Variants in SESTD1 observed in about 807,000 individuals in gnomAD.
SESTD1 encodes the protein SEC14 domain and spectrin repeat-containing protein 1.
Under a neutral mutation model 101.7 loss-of-function variants are expected in SESTD1, and 43 were observed. The ratio of observed to expected loss-of-function variants is 0.42; its 90% CI spans 0.33 to 0.55. The LOEUF is 0.55. Among genes scored for constraint, SESTD1 ranks in the 20% least tolerant of loss-of-function variants. The probability of loss-of-function intolerance (pLI) is 0.07; values close to 1 mark genes in which losing one functional copy is unlikely to be tolerated. For missense variants in SESTD1, 647 were observed against 815.1 expected, an observed-to-expected ratio of 0.79 and a Z score of 2.51; for synonymous variants, 283 against 286.8, an observed-to-expected ratio of 0.99 and a Z score of 0.13.
At position 179,118,558 on chromosome 2, in the gene SESTD1, T is replaced by TA. The variant is rs528082370; in HGVS notation, c.1443-946dup. On this transcript the variant is annotated intron_variant, in intron 13 of 17. Transcript: ENST00000428443. Reference sequence around the variant, plus strand: ...AAGTAGGTATCACAAGGCTTTTTTTTAAAAAAAAATAAAGATGCTCTGAAT... The same window carrying TA: ...AAGTAGGTATCACAAGGCTTTTTTTTAAAAAAAAAATAAAGATGCTCTGAAT... 1.9e-3 allele frequency among the ~76,000 whole-genome samples: 291 copies of TA among 151,206 alleles called. 1 individual carries two copies. Among genetic ancestry groups the TA allele is most frequent in the South Asian group, 0.018 (88 of 4,788 alleles).
At chr2:179,237,251 A>G (rs2047082085) in intron 1 of SESTD1, among the ~76,000 whole-genome samples, 1 of 151,064 alleles carries the variant, frequency 6.6e-6, no homozygotes, top group Non-Finnish European at 1.5e-5. Flanking sequence ...ACCATGACAC[A>G]CAAATATCCA....
At chr2:179,262,134 A>AT (rs2047491264) in intron 1 of SESTD1, among the ~76,000 whole-genome samples, 1 of 152,210 alleles carries the variant, frequency 6.6e-6, no homozygotes, top group South Asian at 2.1e-4. Context: ...TTATGATTCT[A>AT]TTCACATGCA....
chr2:179,192,410 C>A (rs1451960171), intron 1 of SESTD1, among the ~76,000 whole-genome samples: 1 of 152,118 alleles, frequency 6.6e-6, no homozygotes, highest in Non-Finnish European at 1.5e-5. Flanking sequence ...CACATCTTAT[C>A]CTGTTTATCT....
At chr2:179,250,295 A>G (rs1159945268) in intron 1 of SESTD1, among the ~76,000 whole-genome samples, 1 of 152,242 alleles carries the variant, frequency 6.6e-6, no homozygotes, top group Admixed American at 6.5e-5. Flanking sequence ...ATCAGCCACC[A>G]GGAAAATGCA....
rs549124836 is a variant in SESTD1 at position 179,216,760 on chromosome 2, G to C, written c.-25-24894C>G. Among the ~76,000 whole-genome samples, 3 of 134,814 alleles carry C rather than the reference G, an allele frequency of 2.2e-5. 1 individual carries two copies. The highest frequency in any genetic ancestry group is 4.8e-5 in the Non-Finnish European group (3 of 62,750). The allele number at this position is 134,814 out of a possible 152,430, so 88.4% of individuals were successfully genotyped here. A position where few individuals can be genotyped will look rare whatever the true frequency, so the allele number is the denominator to read the frequency against. On this transcript the variant is annotated intron_variant, in intron 1 of 17. Transcript: ENST00000428443. The stretch of plus-strand genomic sequence containing the variant: ...CTACAAGTCTACAGTAACCAAAACA[G>C]CATGGTACTGGTACCAAAACAGACA...
At chr2:179,241,275 G>A (rs1033198124) in intron 1 of SESTD1, among the ~76,000 whole-genome samples, 2 of 152,052 alleles carry the variant, frequency 1.3e-5, no homozygotes, top group African/African-American at 4.8e-5. Context: ...GAGGAGAAAG[G>A]GAGGGGAGGA....
At chr2:179,233,907 G>C (rs2047022504) in intron 1 of SESTD1, among the ~76,000 whole-genome samples, 1 of 152,168 alleles carries the variant, frequency 6.6e-6, no homozygotes, top group African/African-American at 2.4e-5. Context: ...CTGTACACTT[G>C]GGGGGCTCTG....
At chr2:179,250,410 C>T (rs1022137652) in intron 1 of SESTD1, among the ~76,000 whole-genome samples, 2 of 152,188 alleles carry the variant, frequency 1.3e-5, no homozygotes, top group Non-Finnish European at 2.9e-5. Context: ...TTGTATTATT[C>T]TCCTAGAGCA....
intron 1 of SESTD1, among the ~76,000 whole-genome samples, chr2:179,212,799 T>A (rs1246059607): frequency 7.4e-6 from 1 of 134,556 alleles, no homozygotes; most frequent in East Asian, 2.0e-4. Flanking sequence ...GGAGGAAGGA[T>A]CAGGCAGCAA....
intron 1 of SESTD1, among the ~76,000 whole-genome samples, chr2:179,253,218 C>A (rs1041384333): frequency 1.3e-5 from 2 of 151,928 alleles, no homozygotes; most frequent in Admixed American, 1.3e-4. Flanking sequence ...TTAAAACTAT[C>A]ATTTAAAACA....
chr2:179,119,018 T>C (rs2044694030), intron 13 of SESTD1, among the ~76,000 whole-genome samples: 1 of 152,170 alleles, frequency 6.6e-6, no homozygotes, highest in African/African-American at 2.4e-5. Context: ...TTCAGGGAGA[T>C]AAAAACAACT....
chr2:179,116,742 T>A lies in SESTD1; in HGVS notation c.1573A>T (p.Ile525Phe). ...ELLDALLKTH[I>F]RLGDDAQETK... is the part of the protein sequence containing the mutation. ...TCTTGAGCATCATCGCCCAATCTGA[T>A]GTGAGTCTTAAGCAGAGCATCCAGA... is the stretch of plus-strand genomic sequence containing the variant. Residue 525 changes from isoleucine to phenylalanine, a missense_variant, in exon 15 of 18, where the codon ATC (isoleucine) becomes TTC (phenylalanine). Physicochemically the swap from Ile to Phe is conservative, Grantham distance 21. Coordinates refer to ENST00000428443, the MANE Select transcript of SESTD1 (RefSeq NM_178123.5). 1 of 1,614,166 alleles carries A rather than the reference T, an allele frequency of 6.2e-7. No homozygotes were observed. Among genetic ancestry groups the A allele is most frequent in the Non-Finnish European group, 8.5e-7 (1 of 1,180,012 alleles).
At chr2:179,222,013 G>T (rs953176633) in intron 1 of SESTD1, among the ~76,000 whole-genome samples, 1 of 152,036 alleles carries the variant, frequency 6.6e-6, no homozygotes, top group African/African-American at 2.4e-5. Context: ...TTTTCAATCT[G>T]GTCAACTATT....
intron 1 of SESTD1, among the ~76,000 whole-genome samples, chr2:179,251,416 TA>T (rs1384183846): frequency 6.6e-6 from 1 of 152,164 alleles, no homozygotes; most frequent in African/African-American, 2.4e-5. Context: ...AATGGTCACA[TA>T]GGGGTGGATG....
chr2:179,146,356 C>T (rs762146726), intron 8 of SESTD1, 46 bp downstream of exon 8: 3 of 1,473,794 alleles, frequency 2.0e-6, no homozygotes, highest in Non-Finnish European at 2.8e-6. Context: ...CGAATCAATC[C>T]AATTGGTTTA....
intron 1 of SESTD1, among the ~76,000 whole-genome samples, chr2:179,236,094 C>G (rs1395978263): frequency 6.6e-6 from 1 of 152,070 alleles, no homozygotes; most frequent in Non-Finnish European, 1.5e-5. Flanking sequence ...TCATCATTAT[C>G]CATCTCCCCT....
chr2:179,182,022 T>C (rs560573818), intron 3 of SESTD1, among the ~76,000 whole-genome samples: 1 of 151,512 alleles, frequency 6.6e-6, no homozygotes, highest in African/African-American at 2.4e-5. Context: ...AACAGAATCA[T>C]TAAATTATAG....
intron 8 of SESTD1, among the ~76,000 whole-genome samples, chr2:179,144,112 C>T (rs565911039): frequency 8.8e-5 from 13 of 147,770 alleles, no homozygotes; most frequent in East Asian, 1.9e-4. Context: ...GGCATACATA[C>T]GGTTTATATT....
At chr2:179,222,843 C>T (rs2046833144) in intron 1 of SESTD1, among the ~76,000 whole-genome samples, 1 of 152,174 alleles carries the variant, frequency 6.6e-6, no homozygotes, top group Non-Finnish European at 1.5e-5. Context: ...TAGGCTCCTG[C>T]AACTCTGTCC....
Sources: allele counts gnomAD v4.1 joint callset (sites outside exome capture counted in the v4.1 genomes callset), GRCh38; gene constraint gnomAD v4.1.1; transcripts MANE v1.5; gene names NCBI Gene and HGNC (gene_info 2026-07-23, HGNC 2026-07-21).